The following KDM5B variants were observed in gnomAD, a reference collection of about 807,000 sequenced individuals.
KDM5B encodes lysine demethylase 5B.
A neutral mutation model predicts 193.4 loss-of-function variants in KDM5B; 144 were observed. That is an observed-to-expected ratio of 0.74 (90% CI 0.65 to 0.86). The LOEUF (loss-of-function observed/expected upper bound fraction) is 0.86, where lower values mean the gene tolerates loss of function less well. Among genes scored for constraint, KDM5B ranks in the 40% least tolerant of loss-of-function variants. KDM5B has a pLI of 0.00. For missense variants in KDM5B, 1,833 were observed against 1,886.9 expected, an observed-to-expected ratio of 0.97 and a Z score of 0.53; for synonymous variants, 668 against 682.6, an observed-to-expected ratio of 0.98 and a Z score of 0.33.
chr1:202,729,617 A>C, intron 26 of KDM5B, 90 bp downstream of exon 26: 1 of 1,084,360 alleles, frequency 9.2e-7, no homozygotes, highest in Non-Finnish European at 1.3e-6. Flanking sequence ...GCAGATAAGC[A>C]GAGGAGAAAG....
intron 1 of KDM5B, among the ~76,000 whole-genome samples, chr1:202,806,221 TA>T (rs1658289274): frequency 6.6e-6 from 1 of 152,194 alleles, no homozygotes; most frequent in Non-Finnish European, 1.5e-5. Flanking sequence ...CCAGCCCTGG[TA>T]TACCACAATA....
chr1:202,729,285 C>T (rs1256830712), intron 26 of KDM5B, 112 bp from the exon 27 acceptor site: 3 of 1,134,604 alleles, frequency 2.6e-6, no homozygotes, highest in Non-Finnish European at 3.8e-6. Flanking sequence ...CACTGTCCCA[C>T]CACTGGGACC....
At chr1:202,800,743 A>G (rs1658039139) in intron 1 of KDM5B, among the ~76,000 whole-genome samples, 1 of 152,236 alleles carries the variant, frequency 6.6e-6, no homozygotes, top group Non-Finnish European at 1.5e-5. Context: ...AAGAAAGTTC[A>G]GATAAAGTCT....
chr1:202,762,848 T>G (rs780288123), intron 6 of KDM5B, 40 bp from the exon 7 acceptor site: 2 of 916,312 alleles, frequency 2.2e-6, no homozygotes, highest in Admixed American at 4.0e-5. Context: ...TATGATGCTT[T>G]TCTCCACTTC....
chr1:202,734,608 G>C (rs1655027491), intron 22 of KDM5B, among the ~76,000 whole-genome samples: 1 of 152,176 alleles, frequency 6.6e-6, no homozygotes, highest in Non-Finnish European at 1.5e-5. Flanking sequence ...CCTCAGGAGA[G>C]GGGGACTGTA....
At chr1:202,777,252 G>C (rs1480124752) in intron 1 of KDM5B, among the ~76,000 whole-genome samples, 158 bp from the exon 2 acceptor site, 2 of 150,772 alleles carry the variant, frequency 1.3e-5, no homozygotes, top group Admixed American at 1.3e-4. Context: ...GTCCATGAGA[G>C]CAGCAAAATA....
rs769965787 is a variant in KDM5B, at chr1:202,752,959, G to C, written c.1647C>G (p.Leu549=). The change falls in exon 12 of 27, where the codon CTC becomes CTG. Residue 549 remains leucine (L), a synonymous_variant. Coordinates refer to ENST00000367265, the MANE Select transcript of KDM5B (RefSeq NM_006618.5). ...GGTTCATGATGGTCACAAGCTGATG[G>C]AGGAGATCCGGCTGGGACACAAAGA... ...PELFVSQPDL[L]HQLVTIMNPN... 2.5e-6 allele frequency: 4 copies of C among 1,614,032 alleles called. No individual in the cohort carries two copies. The African/African-American group carries it at 4.0e-5, about 16-fold the overall frequency.
chr1:202,735,225 G>A (rs1655047619), intron 22 of KDM5B, among the ~76,000 whole-genome samples: 1 of 152,094 alleles, frequency 6.6e-6, no homozygotes, highest in Admixed American at 6.6e-5. Context: ...CTGAGACTGG[G>A]AAGCCTACCC....
Position 202,728,885 on chromosome 1 carries a change from G to T in KDM5B, c.*151C>A. 1 of 869,360 alleles carries T rather than the reference G, an allele frequency of 1.2e-6. No individual in the cohort carries two copies. Among genetic ancestry groups the T allele is most frequent in the Non-Finnish European group, 1.7e-6 (1 of 584,178 alleles). 53.9% of individuals were successfully genotyped at this position (869,360 alleles called of 1,614,324 possible). The stretch of plus-strand genomic sequence containing the variant: ...AGTTGTTTTTTCTTTTCTTCAAAGA[G>T]TCCTGGAAAAATGATCCCATAAGGA... On this transcript the variant is annotated 3_prime_UTR_variant, in exon 27 of 27. Coordinates refer to ENST00000367265, the MANE Select transcript of KDM5B (RefSeq NM_006618.5).
rs1410646708 is a variant in KDM5B at position 202,725,990 on chromosome 1, A to G, written c.*3046T>C. The stretch of plus-strand genomic sequence containing the variant: ...TCAAGATTTTTTAAGTGAAATACAA[A>G]GAGGCAGAAACCCATTACAAAGGGC... On this transcript the variant is annotated 3_prime_UTR_variant, in exon 27 of 27. Transcript: ENST00000367265. The G allele has an allele frequency of 6.6e-6, 1 of 152,260 alleles. No individual in the cohort carries two copies. Among genetic ancestry groups the G allele is most frequent in the East Asian group, 1.9e-4 (1 of 5,194 alleles). 9.4% of individuals were successfully genotyped at this position (152,260 alleles called of 1,614,324 possible).
intron 5 of KDM5B, among the ~76,000 whole-genome samples, chr1:202,765,083 C>T (rs773633302): frequency 2.0e-5 from 3 of 152,288 alleles, no homozygotes; most frequent in Non-Finnish European, 2.9e-5. Flanking sequence ...ATTCAATCAT[C>T]GCAATAAGCC....
In KDM5B at chr1:202,808,105, C is replaced by G. The variant is rs151008916; in HGVS notation, c.201G>C (p.Pro67=). 3.7e-6 allele frequency: 6 copies of G among 1,610,132 alleles called. No individual in the cohort carries two copies. The highest frequency in any genetic ancestry group is 5.1e-6 in the Non-Finnish European group (6 of 1,178,646). Residue 67 remains proline (P), a synonymous_variant, in exon 1 of 27, where the codon CCG becomes CCC. Coordinates refer to ENST00000367265, the MANE Select transcript of KDM5B (RefSeq NM_006618.5). ...CCGGGGTGCTGGCGTGACTCACCGG[C>G]GGCGGCCGCACCTTACAGATGCCAG... ...EQTGICKVRP[P]PDWQPPFACD... is the part of the protein sequence containing the mutation.
intron 1 of KDM5B, among the ~76,000 whole-genome samples, chr1:202,804,838 C>G (rs906780785): frequency 7.2e-6 from 1 of 139,144 alleles, no homozygotes; most frequent in African/African-American, 2.6e-5. Flanking sequence ...CACTCCAGGC[C>G]TGGGCAACAA....
intron 1 of KDM5B, among the ~76,000 whole-genome samples, chr1:202,787,985 T>TG (rs1657481069): frequency 6.6e-6 from 1 of 152,078 alleles, no homozygotes; most frequent in Non-Finnish European, 1.5e-5. Context: ...GAAAGGGTCT[T>TG]GGGAACCCTC....
chr1:202,766,086 C>T (rs12121706), intron 5 of KDM5B, among the ~76,000 whole-genome samples: 59,645 of 152,088 alleles, frequency 0.39, 14,055 homozygotes, highest in Non-Finnish European at 0.51. Flanking sequence ...GCATGGCATG[C>T]ATCTGTAGTT....
Position 202,742,717 on chromosome 1 carries a change from T to G in KDM5B, c.2412A>C (p.Thr804=), listed in dbSNP as rs1359397968. The G allele has an allele frequency of 6.8e-6, 11 of 1,614,108 alleles. No individual in the cohort carries two copies. Among genetic ancestry groups the G allele is most frequent in the Non-Finnish European group, 1.7e-6 (2 of 1,180,036 alleles). ...NDLLRHLRLV[T]QDAEKCASVA... ...CAGAGGCACACTTCTCTGCATCCTG[T>G]GTGACTAGGCGAAGGTGTCGCAAAA... The change falls in exon 17 of 27, where the codon ACA becomes ACC. Residue 804 remains threonine, a synonymous_variant. Transcript: ENST00000367265.
rs549218191 is a variant in KDM5B, at chr1:202,760,231, G to T, written c.1077+184C>A. Among the ~76,000 whole-genome samples the T allele has an allele frequency of 1.6e-4, 24 of 152,130 alleles. No individual in the cohort carries two copies. The South Asian group carries it at 4.8e-3, about 30-fold the overall frequency. ...TGGGGGGGGCTGAGGTGGGAGAACT[G>T]CTTGAGCCAGGGAGGTTGATGCTGC... On this transcript the variant is annotated intron_variant, in intron 8 of 26. Coordinates refer to ENST00000367265, the MANE Select transcript of KDM5B (RefSeq NM_006618.5).
chr1:202,778,027 T>G (rs1396949602), intron 1 of KDM5B, among the ~76,000 whole-genome samples: 1 of 151,854 alleles, frequency 6.6e-6, no homozygotes. Context: ...CTACAAAAAT[T>G]AGCCAGATGG....
intron 16 of KDM5B, among the ~76,000 whole-genome samples, chr1:202,743,547 T>C (rs1018854968): frequency 6.6e-5 from 10 of 152,116 alleles, no homozygotes; most frequent in African/African-American, 2.4e-4. Context: ...TATTGCTCCT[T>C]TCCCCTAAAT....
Sources: allele counts gnomAD v4.1 joint callset (sites outside exome capture counted in the v4.1 genomes callset), GRCh38; gene constraint gnomAD v4.1.1; transcripts MANE v1.5; gene names NCBI Gene and HGNC (gene_info 2026-07-23, HGNC 2026-07-21).